SETD3: variants seen among roughly 807,000 people sequenced by gnomAD.
SETD3 encodes actin-histidine N-methyltransferase.
A neutral mutation model predicts 63.0 loss-of-function variants in SETD3; 19 were observed. That is an observed-to-expected ratio of 0.30 (90% confidence interval 0.21 to 0.44). The LOEUF (loss-of-function observed/expected upper bound fraction) is 0.44, where lower values mean the gene tolerates loss of function less well. Among genes scored for constraint, SETD3 ranks in the 20% least tolerant of loss-of-function variants. SETD3 has a pLI of 1.00. For missense variants in SETD3, 587 were observed against 728.5 expected, an observed-to-expected ratio of 0.81 and a Z score of 2.24; for synonymous variants, 286 against 264.1, an observed-to-expected ratio of 1.08 and a Z score of -0.80.
intron 6 of SETD3, among the ~76,000 whole-genome samples, chr14:99,451,661 C>T (rs1259427488): frequency 1.3e-5 from 2 of 152,034 alleles, no homozygotes; most frequent in African/African-American, 4.8e-5. Context: ...CGTGTGCCAC[C>T]ATGCCTAGCT....
chr14:99,415,720 TAAGA>T (rs1595164660), intron 6 of SETD3, among the ~76,000 whole-genome samples: 1 of 152,194 alleles, frequency 6.6e-6, no homozygotes, highest in East Asian at 1.9e-4. Flanking sequence ...CTTATCTTCT[TAAGA>T]AATAGGGTGT....
intron 6 of SETD3, among the ~76,000 whole-genome samples, chr14:99,443,129 T>C (rs886978112): frequency 3.3e-5 from 5 of 152,090 alleles, no homozygotes; most frequent in Non-Finnish European, 7.4e-5. Flanking sequence ...TTTATAAGGA[T>C]CTAAACAAAT....
At chr14:99,473,988 C>T (rs998060396) in intron 1 of SETD3, among the ~76,000 whole-genome samples, 1 of 152,188 alleles carries the variant, frequency 6.6e-6, no homozygotes, top group Non-Finnish European at 1.5e-5. Flanking sequence ...TACCAGTTTA[C>T]ACGGCTAACC....
intron 8 of SETD3, among the ~76,000 whole-genome samples, chr14:99,407,140 G>C (rs1404180792): frequency 6.6e-6 from 1 of 152,190 alleles, no homozygotes; most frequent in Non-Finnish European, 1.5e-5. Context: ...AGCATGCAAA[G>C]GCAAAATAAA....
At chr14:99,427,290 G>A (rs1047766256) in intron 6 of SETD3, among the ~76,000 whole-genome samples, 7 of 152,118 alleles carry the variant, frequency 4.6e-5, no homozygotes, top group African/African-American at 1.2e-4. Flanking sequence ...GTGAAAATAC[G>A]TTACCCCATC....
intron 1 of SETD3, among the ~76,000 whole-genome samples, chr14:99,476,796 A>G (rs541034376): frequency 6.6e-6 from 1 of 152,246 alleles, no homozygotes; most frequent in Non-Finnish European, 1.5e-5. Flanking sequence ...TGTATTCTTA[A>G]AAAATGGAAC....
At chr14:99,419,469 T>TA (rs1262018703) in intron 6 of SETD3, among the ~76,000 whole-genome samples, 15 of 152,218 alleles carry the variant, frequency 9.9e-5, no homozygotes, top group Admixed American at 2.6e-4. Flanking sequence ...TGGCAAAAGA[T>TA]ACGTCTGTTT....
rs1447967703 is a variant in SETD3 at position 99,458,414 on chromosome 14, G to A, written c.540C>T (p.Pro180=). The change falls in exon 6 of 13, where the codon CCC becomes CCT. Residue 180 remains proline, a synonymous_variant. Transcript: ENST00000331768. ...AGTAGAGAGGAGTGTCATATTCACT[G>A]GGGAGGGTTTGAATATAGGGCTGCC... ...SFWQPYIQTL[P]SEYDTPLYFE... The A allele has an allele frequency of 6.2e-7, 1 of 1,614,092 alleles. No homozygotes were observed. The highest frequency in any genetic ancestry group is 1.7e-5 in the Admixed American group (1 of 60,012).
At chr14:99,437,652 A>G (rs1225900533) in intron 6 of SETD3, among the ~76,000 whole-genome samples, 1 of 152,170 alleles carries the variant, frequency 6.6e-6, no homozygotes, top group Non-Finnish European at 1.5e-5. Context: ...ACTGTGTGAT[A>G]TGATGTGTGT....
intron 6 of SETD3, among the ~76,000 whole-genome samples, chr14:99,455,203 C>CGGCCCAGGGGCCAGGGTTCCTTCCCT (rs1894689013): frequency 6.6e-6 from 1 of 152,222 alleles, no homozygotes; most frequent in Admixed American, 6.5e-5. Context: ...CAGGAATACC[C>CGGCCCAGGGGCCAGGGTTCCTTCCCT]GGCCCAGGGG....
At chr14:99,400,481 T>C (rs1891331271) in intron 11 of SETD3, among the ~76,000 whole-genome samples, 1 of 152,204 alleles carries the variant, frequency 6.6e-6, no homozygotes, top group Non-Finnish European at 1.5e-5. Flanking sequence ...GGAATCCTGA[T>C]CAAGCCTTGG....
intron 6 of SETD3, among the ~76,000 whole-genome samples, chr14:99,425,236 T>C (rs763721876): frequency 3.2e-4 from 48 of 152,200 alleles, no homozygotes; most frequent in Non-Finnish European, 6.0e-4. Context: ...CTCTACAAGA[T>C]GGTTAGCCAA....
chr14:99,459,276 G>C, intron 4 of SETD3, 91 bp from the exon 5 acceptor site: 1 of 835,846 alleles, frequency 1.2e-6, no homozygotes, highest in Non-Finnish European at 2.0e-6. Flanking sequence ...AATCACACAT[G>C]AAGTACAACT....
chr14:99,403,722 A>G (rs1362769682), intron 11 of SETD3, among the ~76,000 whole-genome samples: 5 of 152,226 alleles, frequency 3.3e-5, no homozygotes, highest in East Asian at 3.8e-4. Context: ...TCTGTTTGCA[A>G]TGTTATTTAC....
At chr14:99,453,957 C>T (rs1471245427) in intron 6 of SETD3, among the ~76,000 whole-genome samples, 4 of 152,162 alleles carry the variant, frequency 2.6e-5, no homozygotes, top group Non-Finnish European at 5.9e-5. Flanking sequence ...GAACTGCCCA[C>T]GTGGTCAGCT....
chr14:99,478,091 T>C (rs1490323761), intron 1 of SETD3, among the ~76,000 whole-genome samples: 2 of 152,028 alleles, frequency 1.3e-5, no homozygotes, highest in Admixed American at 1.3e-4. Context: ...AGAGAAAAGA[T>C]GCACGGCTAA....
chr14:99,474,776 G>A (rs925000747), intron 1 of SETD3, among the ~76,000 whole-genome samples: 1 of 152,184 alleles, frequency 6.6e-6, no homozygotes, highest in East Asian at 1.9e-4. Context: ...GTTGCAATGA[G>A]CCAAGATCGT....
At chr14:99,427,994 G>A (rs913427076) in intron 6 of SETD3, among the ~76,000 whole-genome samples, 2 of 152,220 alleles carry the variant, frequency 1.3e-5, no homozygotes, top group African/African-American at 4.8e-5. Context: ...CAGAGGCAGG[G>A]AAAGGAGGGC....
At chr14:99,426,924 C>A (rs1013651787) in intron 6 of SETD3, among the ~76,000 whole-genome samples, 12 of 152,140 alleles carry the variant, frequency 7.9e-5, no homozygotes, top group African/African-American at 2.7e-4. Flanking sequence ...TTTACCTACT[C>A]CCCACCTTCT....
Sources: gnomAD v4.1 joint callset for allele counts (sites outside exome capture counted in the v4.1 genomes callset) on GRCh38, gnomAD v4.1.1 for gene constraint, MANE v1.5 for transcripts, NCBI Gene and HGNC (gene_info 2026-07-23, HGNC 2026-07-21) for gene names.